MCM10: variants seen among roughly 807,000 people sequenced by gnomAD.
MCM10 encodes the protein protein MCM10 homolog.
In MCM10, 91 loss-of-function variants were observed where a neutral mutation model predicts 109.9. That is an observed-to-expected ratio of 0.83 (90% CI 0.70 to 0.99). MCM10 has a LOEUF of 0.99. Ranked by LOEUF, MCM10 falls within the 50% of genes least tolerant of loss-of-function variation. The pLI is 0.00. For missense variants in MCM10, 1,077 were observed against 1,061.2 expected (o/e 1.01, Z -0.21); for synonymous variants, 380 against 387.2 (o/e 0.98, Z 0.22).
chr10:13,176,415 A>G (rs1036756655), intron 6 of MCM10, among the ~76,000 whole-genome samples: 4 of 152,298 alleles, frequency 2.6e-5, no homozygotes, highest in African/African-American at 7.2e-5. Flanking sequence ...GGATAATCCC[A>G]GGGCAGAACA....
At chr10:13,203,294 G>A (rs1834524662) in intron 17 of MCM10, among the ~76,000 whole-genome samples, 1 of 152,126 alleles carries the variant, frequency 6.6e-6, no homozygotes, top group South Asian at 2.1e-4. Context: ...ATTCTTGCCT[G>A]CCCTCACTTC....
At chr10:13,184,265 T>A (rs552926877) in intron 8 of MCM10, among the ~76,000 whole-genome samples, 3 of 152,252 alleles carry the variant, frequency 2.0e-5, no homozygotes, top group African/African-American at 7.2e-5. Flanking sequence ...AGTACTAGGA[T>A]TACAAGTGTG....
intron 2 of MCM10, 123 bp downstream of exon 2, chr10:13,164,332 G>A (rs1049662585): frequency 1.1e-6 from 1 of 898,428 alleles, no homozygotes; most frequent in African/African-American, 1.7e-5. Flanking sequence ...TATTGTCTTA[G>A]TGGTTCTGAA....
At position 13,191,337 on chromosome 10, in the gene MCM10, C is replaced by T. The variant is rs1834343953; in HGVS notation, c.1454C>T (p.Thr485Ile). The T allele has an allele frequency of 1.4e-5, 23 of 1,614,090 alleles. No homozygotes were observed. The highest frequency in any genetic ancestry group is 1.9e-5 in the Non-Finnish European group (23 of 1,179,990). ...AVAPKKKIQT[T>I]LSNLVVKGTN... ...GCTCCTAAGAAGAAGATTCAAACCACTCTGAGTAATCTGGTTGTTAAGGGC... is the reference window on the plus strand; with the variant it reads ...GCTCCTAAGAAGAAGATTCAAACCATTCTGAGTAATCTGGTTGTTAAGGGC... Residue 485 changes from threonine (T) to isoleucine (I), a missense_variant, in exon 11 of 20, where the codon ACT becomes ATT. Coordinates refer to ENST00000378714, the MANE Select transcript of MCM10 (RefSeq NM_018518.5).
In MCM10 at chr10:13,204,228, A is replaced by G. The variant is rs1223348630; in HGVS notation, c.2362A>G (p.Thr788Ala). 1 of 1,613,928 alleles carries G rather than the reference A, an allele frequency of 6.2e-7. No individual in the cohort carries two copies. The highest frequency in any genetic ancestry group is 8.5e-7 in the Non-Finnish European group (1 of 1,180,018). Reference protein sequence around the residue: ...RVVTCKTCAYTHFKLLETCVS... With the variant: ...RVVTCKTCAYAHFKLLETCVS... Reference sequence around the variant, plus strand: ...TTGTTGCTCTGTGCAGTGCGCCTATACCCACTTCAAGCTGCTGGAGACCTG... The same window carrying G: ...TTGTTGCTCTGTGCAGTGCGCCTATGCCCACTTCAAGCTGCTGGAGACCTG... Residue 788 changes from threonine to alanine, a missense_variant, in exon 18 of 20, where the codon ACC becomes GCC. Transcript: ENST00000378714.
chr10:13,191,479 ACAGG>A, intron 11 of MCM10, 80 bp downstream of exon 11: 2 of 1,092,398 alleles, frequency 1.8e-6, no homozygotes, highest in South Asian at 2.5e-5. Context: ...CACATTGGGT[ACAGG>A]GTACACTGCT....
chr10:13,206,473 G>C (rs1237044815), intron 18 of MCM10, among the ~76,000 whole-genome samples: 1 of 152,158 alleles, frequency 6.6e-6, no homozygotes, highest in Non-Finnish European at 1.5e-5. Context: ...TCTCACTTCA[G>C]ATTCTCCAGG....
chr10:13,176,805 G>T (rs1273624957), intron 6 of MCM10, among the ~76,000 whole-genome samples: 1 of 152,190 alleles, frequency 6.6e-6, no homozygotes, highest in Non-Finnish European at 1.5e-5. Context: ...GAGGCAGGAA[G>T]TTCGCTTGAG....
Position 13,209,359 on chromosome 10 carries a change from T to G in MCM10, c.*49T>G. On this transcript the variant is annotated 3_prime_UTR_variant, in exon 20 of 20. Coordinates refer to ENST00000378714, the MANE Select transcript of MCM10 (RefSeq NM_018518.5). ...CAGACTTCCTGGCCTCCTGTGACTC[T>G]GGAAAGCAAAGGATTGGCTGTGTAT... 7.0e-7 allele frequency: 1 copy of G among 1,433,906 alleles called. No individual in the cohort carries two copies. Among genetic ancestry groups the G allele is most frequent in the Non-Finnish European group, 9.8e-7 (1 of 1,019,610 alleles). The allele number at this position is 1,433,906 out of a possible 1,614,324, so 88.8% of individuals were successfully genotyped here.
chr10:13,199,737 A>G (rs961365185), intron 16 of MCM10, among the ~76,000 whole-genome samples: 2 of 152,248 alleles, frequency 1.3e-5, no homozygotes, highest in African/African-American at 4.8e-5. Flanking sequence ...GAAATAATCA[A>G]GTCATCAGAG....
chr10:13,195,331 A>C (rs1366000526), intron 14 of MCM10, 62 bp downstream of exon 14: 12 of 1,257,234 alleles, frequency 9.5e-6, no homozygotes, highest in Non-Finnish European at 1.2e-5. Context: ...AGCTGGAGGA[A>C]AGACAGACAC....
Position 13,192,486 on chromosome 10 carries a change from A to C in MCM10, c.1663A>C (p.Ile555Leu). 1 of 1,614,174 alleles carries C rather than the reference A, an allele frequency of 6.2e-7. No individual in the cohort carries two copies. The highest frequency in any genetic ancestry group is 1.1e-5 in the South Asian group (1 of 91,082). ...GAGCCCAAAACCAGCCATCAAGTCCATCTCGGCCTCAGCACTCTTGAAGCA... is the reference window on the plus strand; with the variant it reads ...GAGCCCAAAACCAGCCATCAAGTCCCTCTCGGCCTCAGCACTCTTGAAGCA... ...MGSPKPAIKS[I>L]SASALLKQQK... The change falls in exon 13 of 20, where the codon ATC becomes CTC. Residue 555 changes from isoleucine to leucine, a missense_variant. Transcript: ENST00000378714.
chr10:13,164,321 G>GT, intron 2 of MCM10, 112 bp downstream of exon 2: 1 of 1,036,700 alleles, frequency 9.6e-7, no homozygotes, highest in South Asian at 1.8e-5. Context: ...CAGCCCTCAG[G>GT]TATTGTCTTA....
chr10:13,181,312 A>G (rs1360117714), intron 7 of MCM10, among the ~76,000 whole-genome samples: 1 of 152,174 alleles, frequency 6.6e-6, no homozygotes, highest in Non-Finnish European at 1.5e-5. Context: ...TCATGATGTT[A>G]TTCTCTAATT....
In MCM10 at chr10:13,209,242, A is replaced by G. The variant is rs1288943511; in HGVS notation, c.2557A>G (p.Lys853Glu). Residue 853 changes from lysine (K) to glutamate (E), a missense_variant, in exon 20 of 20, where the codon AAG (lysine) becomes GAG (glutamate). By Grantham distance (56) the Lys-to-Glu change is moderately conservative. Transcript: ENST00000378714. ...DGMLKEKTGPKIGGETLLPRG... is the reference protein window; with the variant it reads ...DGMLKEKTGPEIGGETLLPRG... ...ATTTTTCTAGGAAAAGACTGGTCCA[A>G]AGATAGGAGGAGAAACTCTGTTACC... 6.2e-7 allele frequency: 1 copy of G among 1,613,962 alleles called. No individual in the cohort carries two copies. Among genetic ancestry groups the G allele is most frequent in the Non-Finnish European group, 8.5e-7 (1 of 1,179,806 alleles).
intron 14 of MCM10, chr10:13,195,472 C>G: frequency 2.1e-6 from 1 of 480,148 alleles, no homozygotes; most frequent in Non-Finnish European, 3.7e-6. Context: ...CAAGAGGTAG[C>G]CTAGAGGAAG....
At chr10:13,203,591 G>A (rs755098331) in intron 17 of MCM10, among the ~76,000 whole-genome samples, 5 of 152,152 alleles carry the variant, frequency 3.3e-5, no homozygotes, top group Non-Finnish European at 7.3e-5. Context: ...TTGTCCAAGT[G>A]TCGAGTTATT....
rs1275919195 is a variant in MCM10 at position 13,210,611 on chromosome 10, C to T, written c.*1301C>T. 6.6e-6 allele frequency: 1 copy of T among 152,178 alleles called. No homozygotes were observed. The highest frequency in any genetic ancestry group is 1.5e-5 in the Non-Finnish European group (1 of 68,038). The allele number at this position is 152,178 out of a possible 1,614,324, so 9.4% of individuals were successfully genotyped here. A position where few individuals can be genotyped will look rare whatever the true frequency, so the allele number is the denominator to read the frequency against. ...TTTCAAAAGCTAGAAATAAAATTTACATGCCTTAGATTTCATAAAATTCTG... is the reference window on the plus strand; with the variant it reads ...TTTCAAAAGCTAGAAATAAAATTTATATGCCTTAGATTTCATAAAATTCTG... On this transcript the variant is annotated 3_prime_UTR_variant, in exon 20 of 20. Transcript: ENST00000378714.
intron 2 of MCM10, among the ~76,000 whole-genome samples, chr10:13,167,896 G>A (rs1014176540): frequency 2.6e-5 from 4 of 152,182 alleles, no homozygotes; most frequent in Non-Finnish European, 1.5e-5. Flanking sequence ...CTGGGGATCC[G>A]AGAAACGTGC....
Sources: allele counts gnomAD v4.1 joint callset (sites outside exome capture counted in the v4.1 genomes callset), GRCh38; gene constraint gnomAD v4.1.1; transcripts MANE v1.5; gene names NCBI Gene and HGNC (gene_info 2026-07-23, HGNC 2026-07-21).